The following NRF1 variants were observed in gnomAD, a reference collection of about 807,000 sequenced individuals.
NRF1 encodes the protein nuclear respiratory factor 1.
NRF1 carries 5 observed loss-of-function variants against 58.5 expected under a neutral mutation model. That is an observed-to-expected ratio of 0.09 (90% CI 0.04 to 0.18). The LOEUF (loss-of-function observed/expected upper bound fraction) is 0.18. Ranked by LOEUF, NRF1 falls within the 10% of genes least tolerant of loss-of-function variation. NRF1 has a pLI of 1.00. For missense variants in NRF1, 288 were observed against 657.7 expected (o/e 0.44, Z 6.15); for synonymous variants, 224 against 246.7 (o/e 0.91, Z 0.86).
At chr7:129,690,960 A>G (rs1299177983) in intron 5 of NRF1, among the ~76,000 whole-genome samples, 5 of 152,336 alleles carry the variant, frequency 3.3e-5, no homozygotes. Context: ...TTCCATAATT[A>G]TTACTAAGTA....
intron 1 of NRF1, among the ~76,000 whole-genome samples, chr7:129,614,443 T>TTGTGTGTGTG (rs56403369): frequency 0.027 from 3,984 of 145,580 alleles, 64 homozygotes; most frequent in Middle Eastern, 0.038. Context: ...AAATATGTAT[T>TTGTGTGTGTG]TGTGTGTGTG....
rs576815941 is a variant in NRF1, at chr7:129,690,768, G to GT, written c.606+231dup. Among the ~76,000 whole-genome samples the GT allele has an allele frequency of 3.4e-4, 52 of 150,954 alleles. No individual in the cohort carries two copies. The East Asian group carries it at 4.7e-3, about 14-fold the overall frequency. ...CTGTGGTCTCCTCTTTCTTCTGGCA[G>GT]TTTTTTTTTCCCTTTCACTTGGGCC... On this transcript the variant is annotated intron_variant, in intron 5 of 10. Transcript: ENST00000393232.
At chr7:129,634,061 T>C (rs201150344) in intron 1 of NRF1, among the ~76,000 whole-genome samples, 9,848 of 131,000 alleles carry the variant, frequency 0.075, 491 homozygotes, top group African/African-American at 0.14. Flanking sequence ...TATATATATA[T>C]ACACACACAC....
intron 1 of NRF1, among the ~76,000 whole-genome samples, chr7:129,619,480 G>GTA (rs1800738228): frequency 3.2e-5 from 1 of 30,812 alleles, no homozygotes; most frequent in Admixed American, 5.2e-4. Flanking sequence ...GTGTGTGTGT[G>GTA]TGTGTGTGTG....
At chr7:129,621,219 T>G (rs529620326) in intron 1 of NRF1, among the ~76,000 whole-genome samples, 2 of 152,222 alleles carry the variant, frequency 1.3e-5, no homozygotes. Flanking sequence ...GGCAGTGATA[T>G]CCATACTTTT....
chr7:129,653,060 T>G (rs1306159699), intron 1 of NRF1, among the ~76,000 whole-genome samples: 1 of 152,224 alleles, frequency 6.6e-6, no homozygotes, highest in African/African-American at 2.4e-5. Context: ...TCCAGAACTC[T>G]TTATCTTGCA....
At chr7:129,752,957 G>A (rs1264113662) in intron 10 of NRF1, among the ~76,000 whole-genome samples, 6 of 152,208 alleles carry the variant, frequency 3.9e-5, no homozygotes, top group East Asian at 1.9e-4. Flanking sequence ...CTTCCATTTC[G>A]GTGAGGGCAC....
rs562439422 is a variant in NRF1 at position 129,663,354 on chromosome 7, C to T, written c.223+5780C>T. On this transcript the variant is annotated intron_variant, in intron 2 of 10. Transcript: ENST00000393232. ...CCCAGACGGGGTGGCCGGGCAGAGG[C>T]GCACCTCACTTCCCAGACGGGGTGG... is the stretch of plus-strand genomic sequence containing the variant. Among the ~76,000 whole-genome samples, 499 of 142,332 alleles carry T rather than the reference C, an allele frequency of 3.5e-3. 4 individuals are homozygous for T. Among genetic ancestry groups the T allele is most frequent in the African/African-American group, 0.012 (460 of 38,020 alleles). 93.4% of individuals were successfully genotyped at this position (142,332 alleles called of 152,430 possible). A position where few individuals can be genotyped will look rare whatever the true frequency, so the allele number is the denominator to read the frequency against.
chr7:129,708,274 C>T (rs1432754954), intron 5 of NRF1, among the ~76,000 whole-genome samples: 2 of 152,186 alleles, frequency 1.3e-5, no homozygotes, highest in Non-Finnish European at 2.9e-5. Flanking sequence ...ACAAAGTAGA[C>T]CCTCCCCCAA....
intron 5 of NRF1, among the ~76,000 whole-genome samples, chr7:129,701,584 G>A: frequency 6.7e-6 from 1 of 149,864 alleles, no homozygotes. Flanking sequence ...GATGAGTGAG[G>A]CTGTCTCAAA....
chr7:129,708,749 T>G (rs1444074028), intron 5 of NRF1, among the ~76,000 whole-genome samples: 1 of 152,158 alleles, frequency 6.6e-6, no homozygotes, highest in South Asian at 2.1e-4. Flanking sequence ...CTTACATGCA[T>G]GAAAACTGTA....
intron 1 of NRF1, among the ~76,000 whole-genome samples, chr7:129,616,369 G>C (rs1562949196): frequency 6.6e-6 from 1 of 152,146 alleles, no homozygotes; most frequent in Non-Finnish European, 1.5e-5. Flanking sequence ...GATTGCTTGA[G>C]GCTAGGAATT....
At chr7:129,673,699 AG>A (rs1802107050) in intron 3 of NRF1, among the ~76,000 whole-genome samples, 1 of 132,426 alleles carries the variant, frequency 7.6e-6, no homozygotes, top group Non-Finnish European at 1.6e-5. Context: ...CCTGGGCGAC[AG>A]AGCGAGACTC....
intron 1 of NRF1, among the ~76,000 whole-genome samples, chr7:129,639,930 T>C (rs1178735719): frequency 6.6e-6 from 1 of 152,190 alleles, no homozygotes; most frequent in Non-Finnish European, 1.5e-5. Flanking sequence ...AACAATTTAA[T>C]ATAGGTGAAG....
At chr7:129,749,663 A>T (rs1000107076) in intron 10 of NRF1, among the ~76,000 whole-genome samples, 1 of 152,152 alleles carries the variant, frequency 6.6e-6, no homozygotes, top group Non-Finnish European at 1.5e-5. Context: ...CAAAGAGGAC[A>T]GTCCTCTCCC....
At chr7:129,720,290 CAACAGAGGT>C (rs1342337349) in intron 9 of NRF1, among the ~76,000 whole-genome samples, 1 of 152,070 alleles carries the variant, frequency 6.6e-6, no homozygotes, top group Non-Finnish European at 1.5e-5. Flanking sequence ...TTTCTGAACC[CAACAGAGGT>C]AACCCATGGT....
At chr7:129,677,115 A>G (rs1030817445) in intron 3 of NRF1, among the ~76,000 whole-genome samples, 1 of 151,002 alleles carries the variant, frequency 6.6e-6, no homozygotes, top group Non-Finnish European at 1.5e-5. Context: ...GATTCAAGCA[A>G]TTCTCGTGCC....
At chr7:129,706,009 G>A (rs1027238489) in intron 5 of NRF1, among the ~76,000 whole-genome samples, 3 of 152,250 alleles carry the variant, frequency 2.0e-5, no homozygotes, top group Admixed American at 6.5e-5. Context: ...GGACTTTTCT[G>A]GGCACTAAAG....
At chr7:129,739,939 C>T (rs1427939596) in intron 10 of NRF1, among the ~76,000 whole-genome samples, 1 of 152,138 alleles carries the variant, frequency 6.6e-6, no homozygotes, top group African/African-American at 2.4e-5. Flanking sequence ...AAAATGGGAG[C>T]ACAGAGCTGT....
Sources: gnomAD v4.1 joint callset for allele counts (sites outside exome capture counted in the v4.1 genomes callset) on GRCh38, gnomAD v4.1.1 for gene constraint, MANE v1.5 for transcripts, NCBI Gene and HGNC (gene_info 2026-07-23, HGNC 2026-07-21) for gene names.